The following PHC2 variants were observed in gnomAD, a reference collection of about 807,000 sequenced individuals.
PHC2 encodes polyhomeotic homolog 2, also known as polyhomeotic-like protein 2.
Under a neutral mutation model 87.4 loss-of-function variants are expected in PHC2, and 29 were observed. The observed-to-expected ratio is 0.33, with a 90% confidence interval of 0.25 to 0.45. The LOEUF is 0.45. Among genes scored for constraint, PHC2 ranks in the 20% least tolerant of loss-of-function variants. PHC2 has a pLI of 1.00. For missense variants in PHC2, 857 were observed against 1,136.7 expected (o/e 0.75, Z 3.54); for synonymous variants, 438 against 461.7 (o/e 0.95, Z 0.66).
chr1:33,428,771 A>G (rs1370853092), intron 1 of PHC2, among the ~76,000 whole-genome samples: 6 of 152,204 alleles, frequency 3.9e-5, no homozygotes, highest in Admixed American at 3.9e-4. Context: ...GGATGAAGAG[A>G]AGAGGATAAT....
chr1:33,376,952 T>G (rs1225006503), intron 1 of PHC2, among the ~76,000 whole-genome samples: 1 of 152,154 alleles, frequency 6.6e-6, no homozygotes, highest in Admixed American at 6.5e-5. Context: ...TTTATTTAGT[T>G]TAGTTTTCAA....
chr1:33,362,568 C>T (rs1377650655), intron 7 of PHC2, among the ~76,000 whole-genome samples: 4 of 152,204 alleles, frequency 2.6e-5, no homozygotes, highest in Non-Finnish European at 5.9e-5. Flanking sequence ...AACTGACAAA[C>T]TCCTCTGTAA....
In PHC2 at chr1:33,324,933, C is replaced by T. The variant is rs763020224; in HGVS notation, c.2512G>A (p.Ala838Thr). 6.8e-6 allele frequency: 11 copies of T among 1,613,864 alleles called. No individual in the cohort carries two copies. Among genetic ancestry groups the T allele is most frequent in the South Asian group, 2.2e-5 (2 of 91,052 alleles). The change falls in exon 15 of 15, where the codon GCC (alanine) becomes ACC (threonine). Residue 838 changes from alanine to threonine, a missense_variant. Coordinates refer to ENST00000683057, the MANE Select transcript of PHC2 (RefSeq NM_001385109.1). ...LLLKEDHLMS[A>T]MNIKLGPALK... Reference sequence around the variant, plus strand: ...GCGGGCCCCAGCTTGATGTTCATGGCGCTCATCAGGTGGTCCTCCTTGAGC... The same window carrying T: ...GCGGGCCCCAGCTTGATGTTCATGGTGCTCATCAGGTGGTCCTCCTTGAGC...
chr1:33,362,943 C>T (rs553847812), intron 7 of PHC2: 1 of 152,330 alleles, frequency 6.6e-6, no homozygotes, highest in Admixed American at 6.5e-5. Context: ...TGACTCTGAG[C>T]CATACCTCTT....
Position 33,349,846 on chromosome 1 carries a change from G to GCGCC in PHC2, c.1558+4554_1558+4555insGGCG. ...GGGAGCGCGGGCGGCGGCCGGGGTT[G>GCGCC]CGCGCGCGCGCGCGGCGGGCGCTCG... On this transcript the variant is annotated intron_variant, in intron 9 of 14. Coordinates refer to ENST00000683057, the MANE Select transcript of PHC2 (RefSeq NM_001385109.1). The surrounding 1 kb of genome is among the most constrained non-coding windows in gnomAD (Gnocchi z 4.2). 6 of 770,486 alleles carry GCGCC rather than the reference G, an allele frequency of 7.8e-6. No individual in the cohort carries two copies. Among genetic ancestry groups the GCGCC allele is most frequent in the Non-Finnish European group, 7.8e-6 (5 of 637,496 alleles). The allele number at this position is 770,486 out of a possible 1,614,324, so 47.7% of individuals were successfully genotyped here.
rs2148191880 is a variant in PHC2, at chr1:33,330,171, G to A, written c.2048C>T (p.Ser683Leu). The A allele has an allele frequency of 6.2e-7, 1 of 1,614,188 alleles. No homozygotes were observed. Among genetic ancestry groups the A allele is most frequent in the Non-Finnish European group, 8.5e-7 (1 of 1,180,032 alleles). ...GCTKRVGLFH[S>L]DRSKLQKAGA... is the part of the protein sequence containing the mutation. ...TGCCTTCTGCAGCTTGCTCCGGTCT[G>A]AGTGGAAAAGTCCCACCCGTTTGGT... Residue 683 changes from serine to leucine, a missense_variant, in exon 13 of 15, where the codon TCA becomes TTA. By Grantham distance (145) the Ser-to-Leu change is moderately radical (BLOSUM62 -2). Around this residue, in one of 3 missense-constraint regions of PHC2, gnomAD observed 832 missense variants for 1,081.8 expected, o/e 0.77. Coordinates refer to ENST00000683057, the MANE Select transcript of PHC2 (RefSeq NM_001385109.1).
intron 1 of PHC2, among the ~76,000 whole-genome samples, chr1:33,396,344 G>A (rs1041662928): frequency 3.3e-5 from 5 of 152,132 alleles, no homozygotes; most frequent in Non-Finnish European, 4.4e-5. Flanking sequence ...TGATTTTAAC[G>A]GGGTGGGGAA....
At position 33,368,109 on chromosome 1, in the gene PHC2, G is replaced by A. The variant is rs758226432; in HGVS notation, c.663+427C>T. Among the ~76,000 whole-genome samples the A allele has an allele frequency of 1.1e-4, 17 of 152,178 alleles. No homozygotes were observed. Among genetic ancestry groups the A allele is most frequent in the Non-Finnish European group, 2.2e-4 (15 of 68,026 alleles). On this transcript the variant is annotated intron_variant, in intron 6 of 14. Transcript: ENST00000683057. This position sits in a 1 kb window ranked among gnomAD's most constrained non-coding sequence, Gnocchi z 6.6. ...TTCCCAGCCACGGTAGTATCTGTGC[G>A]CTCCTAGCAGAGCAGGACACGTCTC...
chr1:33,357,137 A>G (rs1024285844), intron 7 of PHC2, among the ~76,000 whole-genome samples: 1 of 152,192 alleles, frequency 6.6e-6, no homozygotes. Flanking sequence ...AGAGACTTCC[A>G]CGGCTGGAGA....
In PHC2 at chr1:33,330,182, T is replaced by C. The variant is rs779287265; in HGVS notation, c.2037A>G (p.Gly679=). The change falls in exon 13 of 15, where the codon GGA becomes GGG. Residue 679 remains glycine (G), a synonymous_variant. Coordinates refer to ENST00000683057, the MANE Select transcript of PHC2 (RefSeq NM_001385109.1). ...RYNVGCTKRV[G]LFHSDRSKLQ... ...GCTTGCTCCGGTCTGAGTGGAAAAG[T>C]CCCACCCGTTTGGTGCATCCCACGT... 1 of 1,614,140 alleles carries C rather than the reference T, an allele frequency of 6.2e-7. No individual in the cohort carries two copies. Among genetic ancestry groups the C allele is most frequent in the South Asian group, 1.1e-5 (1 of 91,086 alleles).
intron 7 of PHC2, among the ~76,000 whole-genome samples, chr1:33,359,480 C>G (rs1223170175): frequency 6.6e-6 from 1 of 152,192 alleles, no homozygotes; most frequent in Non-Finnish European, 1.5e-5. Flanking sequence ...GATCTTTTTA[C>G]TAGCCACTAC....
rs57936147 is a variant in PHC2, at chr1:33,360,857, G to A, written c.977-5604C>T. Among the ~76,000 whole-genome samples the A allele has an allele frequency of 2.6e-3, 399 of 152,364 alleles. 2 individuals carry two copies. Among genetic ancestry groups the A allele is most frequent in the African/African-American group, 8.9e-3 (371 of 41,588 alleles). On this transcript the variant is annotated intron_variant, in intron 7 of 14. Transcript: ENST00000683057. ...CTTCATTTGACAGGTGAGGCATGGT[G>A]CCTTGCATATTACAAGACGCTGATG...
chr1:33,349,888 C>A lies in PHC2; in HGVS notation c.1558+4513G>T. 1.0e-6 allele frequency: 1 copy of A among 975,578 alleles called. No individual in the cohort carries two copies. The highest frequency in any genetic ancestry group is 1.2e-6 in the Non-Finnish European group (1 of 825,536). 60.4% of individuals were successfully genotyped at this position (975,578 alleles called of 1,614,324 possible). ...GGGCGCTCGAGGGCTGCAGCCGCCG[C>A]GGAGACAATGCGGCGAGTCTGGGAC... On this transcript the variant is annotated intron_variant, in intron 9 of 14. Transcript: ENST00000683057. This position sits in a 1 kb window ranked among gnomAD's most constrained non-coding sequence, Gnocchi z 4.2.
intron 1 of PHC2, among the ~76,000 whole-genome samples, chr1:33,400,299 T>C (rs543475442): frequency 6.6e-6 from 1 of 152,314 alleles, no homozygotes; most frequent in South Asian, 2.1e-4. Context: ...GGGATACACA[T>C]CCCCCAAGTT....
chr1:33,391,463 G>C (rs1018448274), intron 1 of PHC2, among the ~76,000 whole-genome samples: 1 of 152,106 alleles, frequency 6.6e-6, no homozygotes, highest in African/African-American at 2.4e-5. Flanking sequence ...CAGGAGCTTT[G>C]AGCCTTGTTA....
chr1:33,407,199 A>T (rs965941970), intron 1 of PHC2, among the ~76,000 whole-genome samples: 3 of 152,192 alleles, frequency 2.0e-5, no homozygotes, highest in African/African-American at 7.2e-5. Flanking sequence ...CTTTATACAT[A>T]GTCAGGATAG....
chr1:33,370,009 T>C (rs528656022), intron 5 of PHC2, among the ~76,000 whole-genome samples: 97 of 152,186 alleles, frequency 6.4e-4, no homozygotes, highest in African/African-American at 2.2e-3. Flanking sequence ...GCCCTTGAGT[T>C]AGAGGTGGCC....
At chr1:33,344,591 T>C (rs1270195145) in intron 9 of PHC2, among the ~76,000 whole-genome samples, 1 of 152,130 alleles carries the variant, frequency 6.6e-6, no homozygotes, top group Admixed American at 6.5e-5. Flanking sequence ...AAAATATGGA[T>C]TTAATCAAAT....
chr1:33,376,589 A>G (rs1648198410), intron 1 of PHC2, among the ~76,000 whole-genome samples: 1 of 152,170 alleles, frequency 6.6e-6, no homozygotes, highest in African/African-American at 2.4e-5. Context: ...AGAATTTACT[A>G]TTTGTCCATA....
Sources: allele counts gnomAD v4.1 joint callset (sites outside exome capture counted in the v4.1 genomes callset), GRCh38; gene constraint gnomAD v4.1.1; regional missense constraint gnomAD v4.1.1; non-coding constraint Gnocchi (gnomAD v3.1); transcripts MANE v1.5; gene names NCBI Gene and HGNC (gene_info 2026-07-23, HGNC 2026-07-21).